The following INTS10 variants were observed in gnomAD, a reference collection of about 807,000 sequenced individuals.
INTS10 encodes integrator complex subunit 10, also known as chromosome 8 open reading frame 35.
A neutral mutation model predicts 94.4 loss-of-function variants in INTS10; 44 were observed. The observed-to-expected ratio is 0.47, with a 90% CI of 0.37 to 0.60. The LOEUF (loss-of-function observed/expected upper bound fraction) is 0.60, where lower values mean the gene tolerates loss of function less well. Among genes scored for constraint, INTS10 ranks in the 20% least tolerant of loss-of-function variants. The pLI, the probability that INTS10 is intolerant of heterozygous loss-of-function variation, is 0.00. For synonymous variants in INTS10, 341 were observed against 320.7 expected, an observed-to-expected ratio of 1.06 and a Z score of -0.68; for missense variants, 797 against 868.7, an observed-to-expected ratio of 0.92 and a Z score of 1.04.
In INTS10 at chr8:19,844,184, A is replaced by G. The variant is rs2068375813; in HGVS notation, c.1828A>G (p.Lys610Glu). ...GENLFLKAVN[K>E]ICQQGNFQYE... The stretch of plus-strand genomic sequence containing the variant: ...GAATCTTTTCCTGAAAGCTGTCAAT[A>G]AAATTTGCCAACAAGGAAATTTCCA... The change falls in exon 15 of 17, where the codon AAA (lysine) becomes GAA (glutamate). Residue 610 changes from lysine (K) to glutamate (E), a missense_variant. Lys to Glu is a moderately conservative substitution (Grantham distance 56). This residue lies in a region of INTS10 where 734 missense variants were observed against 787.8 expected (regional missense o/e 0.93). Coordinates refer to ENST00000397977, the MANE Select transcript of INTS10 (RefSeq NM_018142.4). 1 of 1,613,704 alleles carries G rather than the reference A, an allele frequency of 6.2e-7. No individual in the cohort carries two copies. Among genetic ancestry groups the G allele is most frequent in the Non-Finnish European group, 8.5e-7 (1 of 1,179,740 alleles).
intron 5 of INTS10, 86 bp downstream of exon 5, chr8:19,822,606 A>G: frequency 1.3e-6 from 1 of 785,888 alleles, no homozygotes; most frequent in Non-Finnish European, 2.1e-6. Flanking sequence ...TCATATATGA[A>G]AGGCAAAGGA....
intron 3 of INTS10, among the ~76,000 whole-genome samples, chr8:19,819,992 C>G (rs1320540621): frequency 1.3e-5 from 2 of 152,190 alleles, no homozygotes; most frequent in African/African-American, 4.8e-5. Flanking sequence ...AATTTAGAAG[C>G]TTTCTCTTTA....
chr8:19,845,961 A>G (rs527502745), intron 16 of INTS10, 164 bp downstream of exon 16: 1 of 504,304 alleles, frequency 2.0e-6, no homozygotes, highest in African/African-American at 1.9e-5. Flanking sequence ...AAAAACTTGC[A>G]TTTCCTTAAC....
intron 13 of INTS10, among the ~76,000 whole-genome samples, chr8:19,839,162 C>T (rs2067917809): frequency 6.6e-6 from 1 of 151,954 alleles, no homozygotes; most frequent in South Asian, 2.1e-4. Context: ...TAGATGCATA[C>T]AGAATTCAAT....
intron 16 of INTS10, chr8:19,848,986 G>A (rs1182043853): frequency 3.5e-6 from 1 of 285,982 alleles, no homozygotes; most frequent in Non-Finnish European, 7.4e-6. Flanking sequence ...AGTGAGGGCT[G>A]GCTAGCTTCT....
intron 9 of INTS10, 126 bp from the exon 10 acceptor site, chr8:19,830,280 T>A: frequency 1.5e-6 from 1 of 666,688 alleles, no homozygotes; most frequent in Non-Finnish European, 2.2e-6. Flanking sequence ...TTCAAAAAAA[T>A]TGTATGTATG....
rs557465982 is a variant in INTS10, at chr8:19,843,116, G to A, written c.1719+189G>A. ...AAATAATGACTGCGCTAGGCAAAGA[G>A]AAGTAGGAAGTTCTCCCCGTCCTCA... On this transcript the variant is annotated intron_variant, in intron 14 of 16. Transcript: ENST00000397977. The surrounding 1 kb of genome is among the most constrained non-coding windows in gnomAD (Gnocchi z 4.7). Among the ~76,000 whole-genome samples, 25 of 152,364 alleles carry A rather than the reference G, an allele frequency of 1.6e-4. No individual in the cohort carries two copies. Among genetic ancestry groups the A allele is most frequent in the African/African-American group, 5.8e-4 (24 of 41,586 alleles).
At position 19,839,213 on chromosome 8, in the gene INTS10, G is replaced by A. The variant is rs372049002; in HGVS notation, c.1639+2053G>A. On this transcript the variant is annotated intron_variant, in intron 13 of 16. Transcript: ENST00000397977. The stretch of plus-strand genomic sequence containing the variant: ...CAAAAATCTTAGCAAACTAGGAATA[G>A]AAGGAAACTATTTTTTAACATCAAA... 9.2e-5 allele frequency among the ~76,000 whole-genome samples: 14 copies of A among 152,244 alleles called. No homozygotes were observed. In the East Asian group the frequency reaches 1.5e-3, roughly 17 times the overall value.
Position 19,846,159 on chromosome 8 carries a change from C to T in INTS10, c.1976+362C>T, listed in dbSNP as rs986063841. 9.2e-5 allele frequency among the ~76,000 whole-genome samples: 14 copies of T among 151,836 alleles called. No homozygotes were observed. Among genetic ancestry groups the T allele is most frequent in the African/African-American group, 2.9e-4 (12 of 41,296 alleles). On this transcript the variant is annotated intron_variant, in intron 16 of 16. Coordinates refer to ENST00000397977, the MANE Select transcript of INTS10 (RefSeq NM_018142.4). This position sits in a 1 kb window ranked among gnomAD's most constrained non-coding sequence, Gnocchi z 4.2. ...TTGTGTGGCCAGGCATGGTGGCTCACGCCTGTAATCTCAACACTTTGGGAG... is the reference window on the plus strand; with the variant it reads ...TTGTGTGGCCAGGCATGGTGGCTCATGCCTGTAATCTCAACACTTTGGGAG...
Position 19,849,643 on chromosome 8 carries a change from A to G in INTS10, c.1977-2006A>G, listed in dbSNP as rs191802086. On this transcript the variant is annotated intron_variant, in intron 16 of 16. Transcript: ENST00000397977. The surrounding 1 kb of genome is among the most constrained non-coding windows in gnomAD (Gnocchi z 4.6). The stretch of plus-strand genomic sequence containing the variant: ...ATACTCATATGAGTGACCAGTCATT[A>G]TGGTCATATTAGCAATTAGTTGCCT... Among the ~76,000 whole-genome samples the G allele has an allele frequency of 5.3e-5, 8 of 152,286 alleles. No homozygotes were observed. Among genetic ancestry groups the G allele is most frequent in the African/African-American group, 1.4e-4 (6 of 41,556 alleles).
chr8:19,847,347 C>T (rs887726223), intron 16 of INTS10, among the ~76,000 whole-genome samples: 8 of 152,262 alleles, frequency 5.3e-5, no homozygotes, highest in African/African-American at 1.4e-4. Flanking sequence ...GATCGTGAAT[C>T]GAAACTTTGG....
At chr8:19,820,803 A>G (rs2278615) in intron 4 of INTS10, 16,115 of 262,302 alleles carry the variant, frequency 0.061, 709 homozygotes, top group East Asian at 0.19. Flanking sequence ...GTATTCTACA[A>G]TGTGCTTTTG....
rs2068294646 is a variant in INTS10, at chr8:19,843,352, G to T, written c.1719+425G>T. 6.6e-6 allele frequency among the ~76,000 whole-genome samples: 1 copy of T among 152,148 alleles called. No individual in the cohort carries two copies. Among genetic ancestry groups the T allele is most frequent in the Admixed American group, 6.5e-5 (1 of 15,268 alleles). ...AACACCAGTAACAGCCCAACAGTTG[G>T]GAAAGTTCCGGGACTTGAAAGAACG... On this transcript the variant is annotated intron_variant, in intron 14 of 16. Coordinates refer to ENST00000397977, the MANE Select transcript of INTS10 (RefSeq NM_018142.4). The surrounding 1 kb of genome is among the most constrained non-coding windows in gnomAD (Gnocchi z 4.7).
chr8:19,832,437 G>A (rs1236844742), intron 11 of INTS10, among the ~76,000 whole-genome samples: 1 of 152,146 alleles, frequency 6.6e-6, no homozygotes, highest in East Asian at 1.9e-4. Context: ...AAGTGTGGTG[G>A]CATGTGCCTA....
At position 19,832,011 on chromosome 8, in the gene INTS10, C is replaced by G. The variant is rs778258052; in HGVS notation, c.1295-17C>G. ...GCTGCATATATTTGGTAAATTTGTT[C>G]TTGAATTCTTACTCAGAATTTACAA... is the stretch of plus-strand genomic sequence containing the variant. On this transcript the variant is annotated splice_polypyrimidine_tract_variant and intron_variant, in intron 10 of 16. Transcript: ENST00000397977. The G allele has an allele frequency of 1.0e-5, 15 of 1,503,108 alleles. No homozygotes were observed. The South Asian group carries it at 1.6e-4, about 16-fold the overall frequency. The allele number at this position is 1,503,108 out of a possible 1,614,324, so 93.1% of individuals were successfully genotyped here.
rs187595935 is a variant in INTS10, at chr8:19,839,087, C to G, written c.1639+1927C>G. ...ACTCCGTTTCAAAAAAAAAACCAAA[C>G]AAACAAAAATCAGTGTAATTCACTC... On this transcript the variant is annotated intron_variant, in intron 13 of 16. Coordinates refer to ENST00000397977, the MANE Select transcript of INTS10 (RefSeq NM_018142.4). Among the ~76,000 whole-genome samples, 430 of 151,526 alleles carry G rather than the reference C, an allele frequency of 2.8e-3. 3 individuals are homozygous for G. The highest frequency in any genetic ancestry group is 0.01 in the African/African-American group (423 of 41,272).
At chr8:19,839,675 G>A (rs775432364) in intron 13 of INTS10, among the ~76,000 whole-genome samples, 29 of 152,192 alleles carry the variant, frequency 1.9e-4, no homozygotes, top group South Asian at 4.1e-4. Context: ...TCCAGCCTGG[G>A]TGACAGAGAA....
rs1429727095 is a variant in INTS10 at position 19,824,632 on chromosome 8, C to T, written c.837-171C>T. 3 of 509,732 alleles carry T rather than the reference C, an allele frequency of 5.9e-6. No individual in the cohort carries two copies. In the East Asian group the frequency reaches 1.0e-4, roughly 17 times the overall value. The allele number at this position is 509,732 out of a possible 1,614,324, so 31.6% of individuals were successfully genotyped here. A position where few individuals can be genotyped will look rare whatever the true frequency, so the allele number is the denominator to read the frequency against. ...GTTTGTGTCATGAAATCTTGATCAC[C>T]ACCCTAATTCAGAAGGGAAAAGTTA... On this transcript the variant is annotated intron_variant, in intron 7 of 16. Coordinates refer to ENST00000397977, the MANE Select transcript of INTS10 (RefSeq NM_018142.4).
At chr8:19,830,140 C>G (rs1480955215) in intron 9 of INTS10, among the ~76,000 whole-genome samples, 3 of 152,042 alleles carry the variant, frequency 2.0e-5, no homozygotes, top group African/African-American at 7.3e-5. Flanking sequence ...AAACTTTGCT[C>G]TAAAACCACC....
Sources: gnomAD v4.1 joint callset for allele counts (sites outside exome capture counted in the v4.1 genomes callset) on GRCh38, gnomAD v4.1.1 for gene constraint, gnomAD v4.1.1 regional missense constraint, Gnocchi (gnomAD v3.1) non-coding constraint, MANE v1.5 for transcripts, NCBI Gene and HGNC (gene_info 2026-07-23, HGNC 2026-07-21) for gene names.